NHS: variants seen among roughly 807,000 people sequenced by gnomAD.
The protein encoded by NHS is actin remodeling regulator NHS.
NHS carries 5 observed loss-of-function variants against 72.5 expected under a neutral mutation model. The observed-to-expected ratio is 0.07, with a 90% CI of 0.04 to 0.14. NHS has a LOEUF of 0.14. Among genes scored for constraint, NHS ranks in the 10% least tolerant of loss-of-function variants. The pLI is 1.00. For missense variants in NHS, 1,072 were observed against 1,355.7 expected (o/e 0.79, Z 3.29); for synonymous variants, 464 against 547.7 (o/e 0.85, Z 2.13).
intron 4 of NHS, 150 bp from the exon 5 acceptor site, chrX:17,721,291 G>A (rs2066404330): frequency 1.9e-6 from 1 of 522,452 alleles, no homozygotes; most frequent in African/African-American, 2.3e-5. Context: ...CTTGTAATTA[G>A]TTGTGCTTAC....
chrX:17,614,546 C>T lies in NHS; in HGVS notation c.566-73196C>T, dbSNP rs771766721. On this transcript the variant is annotated intron_variant, in intron 1 of 8. Transcript: ENST00000676302. The stretch of plus-strand genomic sequence containing the variant: ...TTTCATCACAGCGGGTTACATTTTC[C>T]AAGGGCAGAGCTTTGACTTACAACT... Among the ~76,000 whole-genome samples the T allele has an allele frequency of 7.2e-5, 8 of 111,568 alleles. No individual in the cohort carries two copies. In the East Asian group the frequency reaches 2.0e-3, roughly 27 times the overall value.
chrX:17,382,897 T>A (rs112632990), intron 1 of NHS, among the ~76,000 whole-genome samples: 13 of 111,998 alleles, frequency 1.2e-4, no homozygotes, highest in Non-Finnish European at 2.4e-4. Context: ...GCCTTGCTTG[T>A]TGGGAAGGCC....
chrX:17,487,979 C>T (rs1235626515), intron 1 of NHS, among the ~76,000 whole-genome samples: 1 of 110,969 alleles, frequency 9.0e-6, no homozygotes, highest in East Asian at 2.9e-4. Flanking sequence ...TTCTTGCAAC[C>T]AATTTGAACA....
In NHS at chrX:17,533,069, A is replaced by G. The variant is rs192979904; in HGVS notation, c.566-154673A>G. Among the ~76,000 whole-genome samples, 229 of 111,813 alleles carry G rather than the reference A, an allele frequency of 2.0e-3. 1 individual carries two copies. The highest frequency in any genetic ancestry group is 7.2e-3 in the African/African-American group (220 of 30,744). Reference sequence around the variant, plus strand: ...GTGGATTTTTCTATAATGAACAACAACCATCACCAGAAAAGGCCAGTAAGT... The same window carrying G: ...GTGGATTTTTCTATAATGAACAACAGCCATCACCAGAAAAGGCCAGTAAGT... On this transcript the variant is annotated intron_variant, in intron 1 of 8. Coordinates refer to ENST00000676302, the MANE Select transcript of NHS (RefSeq NM_001291867.2).
intron 3 of NHS, among the ~76,000 whole-genome samples, chrX:17,716,555 G>A (rs990859531): frequency 9.0e-6 from 1 of 111,074 alleles, no homozygotes; most frequent in Non-Finnish European, 1.9e-5. Flanking sequence ...GAGAGAACCA[G>A]GTTAGTGTCT....
At chrX:17,594,426 A>T (rs1165247607) in intron 1 of NHS, among the ~76,000 whole-genome samples, 1 of 111,464 alleles carries the variant, frequency 9.0e-6, no homozygotes, top group African/African-American at 3.3e-5. Context: ...TGGATCAGTA[A>T]AGGGAAGATA....
chrX:17,729,199 A>C (rs2066471001), intron 8 of NHS, among the ~76,000 whole-genome samples: 1 of 112,001 alleles, frequency 8.9e-6, no homozygotes, highest in Non-Finnish European at 1.9e-5. Flanking sequence ...ACAGAAGTTG[A>C]TTCACCATGG....
intron 1 of NHS, among the ~76,000 whole-genome samples, chrX:17,449,239 G>T (rs1233516775): frequency 8.8e-6 from 1 of 113,490 alleles, no homozygotes; most frequent in African/African-American, 3.2e-5. Context: ...CAGTGGGTCT[G>T]ATGTCCTACA....
At chrX:17,590,795 G>A (rs1449648047) in intron 1 of NHS, among the ~76,000 whole-genome samples, 3 of 111,303 alleles carry the variant, frequency 2.7e-5, no homozygotes, top group Non-Finnish European at 5.7e-5. Flanking sequence ...CTCCAACTAT[G>A]TAAGAATACA....
Position 17,602,834 on chromosome X carries a change from A to ATTTT in NHS, c.566-84888_566-84885dup, listed in dbSNP as rs34067989. On this transcript the variant is annotated intron_variant, in intron 1 of 8. Coordinates refer to ENST00000676302, the MANE Select transcript of NHS (RefSeq NM_001291867.2). ...TGGATATTTATGGGGCACAACTACA[A>ATTTT]TTTTTTTTTTTTTTTTTTTTTTTAA... 1.7e-3 allele frequency among the ~76,000 whole-genome samples: 138 copies of ATTTT among 83,260 alleles called. 3 individuals are homozygous for ATTTT. Among genetic ancestry groups the ATTTT allele is most frequent in the African/African-American group, 6.6e-3 (133 of 20,271 alleles). The allele number at this position is 83,260 out of a possible 115,157, so 72.3% of individuals were successfully genotyped here.
At position 17,492,260 on chromosome X, in the gene NHS, T is replaced by C. The variant is rs141287766; in HGVS notation, c.565+115938T>C. Among the ~76,000 whole-genome samples, 734 of 112,477 alleles carry C rather than the reference T, an allele frequency of 6.5e-3. 10 individuals carry two copies. The highest frequency in any genetic ancestry group is 0.023 in the African/African-American group (702 of 30,992). Reference sequence around the variant, plus strand: ...ATTTTAGATCTTTCCTCCTTTCTCCTGTGCACATTTAGTGCTATAAGTTTC... The same window carrying C: ...ATTTTAGATCTTTCCTCCTTTCTCCCGTGCACATTTAGTGCTATAAGTTTC... On this transcript the variant is annotated intron_variant, in intron 1 of 8. Transcript: ENST00000676302.
At chrX:17,500,894 G>C (rs904247668) in intron 1 of NHS, among the ~76,000 whole-genome samples, 3 of 111,847 alleles carry the variant, frequency 2.7e-5, no homozygotes, top group Admixed American at 1.9e-4. Context: ...GGGGATAATA[G>C]TACCTGTTTT....
At chrX:17,544,246 T>A (rs1371166565) in intron 1 of NHS, among the ~76,000 whole-genome samples, 3 of 112,274 alleles carry the variant, frequency 2.7e-5, no homozygotes, top group African/African-American at 9.7e-5. Context: ...ACTTGTTCAA[T>A]GTTGTAGGGC....
chrX:17,459,349 G>T (rs921753347), intron 1 of NHS, among the ~76,000 whole-genome samples: 3 of 111,804 alleles, frequency 2.7e-5, no homozygotes, highest in African/African-American at 9.8e-5. Context: ...CATGAAACCT[G>T]ATGGGAACCA....
At chrX:17,665,107 G>A (rs1347986810) in intron 1 of NHS, among the ~76,000 whole-genome samples, 3 of 108,031 alleles carry the variant, frequency 2.8e-5, no homozygotes, top group African/African-American at 1.0e-4. Context: ...TGACCTTTTT[G>A]TATCCAGCGA....
chrX:17,644,591 G>A (rs1336882349), intron 1 of NHS, among the ~76,000 whole-genome samples: 4 of 111,150 alleles, frequency 3.6e-5, no homozygotes, highest in Non-Finnish European at 5.7e-5. Context: ...GTGCTTCCAA[G>A]GGAAGAGGGT....
At chrX:17,537,356 C>G (rs1320609316) in intron 1 of NHS, among the ~76,000 whole-genome samples, 1 of 112,285 alleles carries the variant, frequency 8.9e-6, no homozygotes, top group Non-Finnish European at 1.9e-5. Flanking sequence ...CAAATCTACA[C>G]CTAGAAGAAG....
chrX:17,673,484 A>G (rs1212283084), intron 1 of NHS, among the ~76,000 whole-genome samples: 1 of 111,580 alleles, frequency 9.0e-6, no homozygotes, highest in Non-Finnish European at 1.9e-5. Context: ...TCGAGCAAGC[A>G]ACTTAACCTT....
At chrX:17,657,462 C>T (rs1365868705) in intron 1 of NHS, among the ~76,000 whole-genome samples, 1 of 112,542 alleles carries the variant, frequency 8.9e-6, no homozygotes, top group African/African-American at 3.2e-5. Flanking sequence ...TGGCTTGACC[C>T]CGCTATTAGA....
Sources: allele counts gnomAD v4.1 joint callset (sites outside exome capture counted in the v4.1 genomes callset), GRCh38; gene constraint gnomAD v4.1.1; transcripts MANE v1.5; gene names NCBI Gene and HGNC (gene_info 2026-07-23, HGNC 2026-07-21).